The following ARHGEF33 variants were observed in gnomAD, a reference collection of about 807,000 sequenced individuals.
The protein encoded by ARHGEF33 is Rho guanine nucleotide exchange factor 33, also known as DH and coiled-coil domain-containing protein ENSP00000381780.
In ARHGEF33, 72 loss-of-function variants were observed where a neutral mutation model predicts 101.9. That is an observed-to-expected ratio of 0.71 (90% CI 0.58 to 0.86). The LOEUF is 0.86. Ranked by LOEUF, ARHGEF33 falls within the 40% of genes least tolerant of loss-of-function variation. The pLI is 0.00. For missense variants in ARHGEF33, 1,169 were observed against 1,111.3 expected, an observed-to-expected ratio of 1.05 and a Z score of -0.74; for synonymous variants, 499 against 442.5, an observed-to-expected ratio of 1.13 and a Z score of -1.60.
intron 16 of ARHGEF33, among the ~76,000 whole-genome samples, chr2:38,963,967 T>C (rs1668001215): frequency 6.6e-6 from 1 of 152,214 alleles, no homozygotes; most frequent in Non-Finnish European, 1.5e-5. Flanking sequence ...ATTTCTGTTA[T>C]TATTACGTTG....
chr2:38,900,582 G>A (rs776852405), intron 2 of ARHGEF33, among the ~76,000 whole-genome samples: 1 of 152,168 alleles, frequency 6.6e-6, no homozygotes, highest in Non-Finnish European at 1.5e-5. Context: ...GCTGTTACAA[G>A]TAGCAAAATC....
At chr2:38,908,343 G>T (rs939590139) in intron 2 of ARHGEF33, among the ~76,000 whole-genome samples, 1 of 152,188 alleles carries the variant, frequency 6.6e-6, no homozygotes, top group African/African-American at 2.4e-5. Flanking sequence ...CAGTTAAGTA[G>T]GTCAAGTATT....
Position 38,901,861 on chromosome 2 carries a change from A to G in ARHGEF33, c.-86+6012A>G, listed in dbSNP as rs1666249016. On this transcript the variant is annotated intron_variant, in intron 2 of 17. Coordinates refer to ENST00000409978, the MANE Select transcript of ARHGEF33 (RefSeq NM_001145451.5). ...CCGGGCACGGTGGCTCACGCCTGTA[A>G]TCCCAGCACTTTGGGAGGCTGAGAC... Among the ~76,000 whole-genome samples, 3 of 152,188 alleles carry G rather than the reference A, an allele frequency of 2.0e-5. No individual in the cohort carries two copies. The South Asian group carries it at 6.2e-4, about 32-fold the overall frequency.
At chr2:38,959,502 G>C in intron 15 of ARHGEF33, 1 of 228,420 alleles carries the variant, frequency 4.4e-6, no homozygotes, top group Non-Finnish European at 8.5e-6. Flanking sequence ...ACTCTGCTAG[G>C]GCAAGCAAGG....
At chr2:38,928,077 G>A (rs1666912836) in intron 4 of ARHGEF33, among the ~76,000 whole-genome samples, 3 of 152,162 alleles carry the variant, frequency 2.0e-5, no homozygotes, top group African/African-American at 7.2e-5. Flanking sequence ...AGGCAGCCCT[G>A]TGAAATAGAT....
At chr2:38,908,155 C>G (rs570790311) in intron 2 of ARHGEF33, among the ~76,000 whole-genome samples, 1 of 152,148 alleles carries the variant, frequency 6.6e-6, no homozygotes, top group African/African-American at 2.4e-5. Context: ...CTTGAGCCAC[C>G]GTGCCTGGCC....
chr2:38,929,427 T>TAA (rs1250875790), intron 5 of ARHGEF33, among the ~76,000 whole-genome samples: 1 of 144,512 alleles, frequency 6.9e-6, no homozygotes, highest in African/African-American at 2.5e-5. Flanking sequence ...GACTCTGTCT[T>TAA]AAAAAAAAAA....
intron 7 of ARHGEF33, among the ~76,000 whole-genome samples, chr2:38,935,041 G>T (rs1667098708): frequency 7.1e-6 from 1 of 140,334 alleles, no homozygotes; most frequent in South Asian, 2.3e-4. Flanking sequence ...AAAACAGTAG[G>T]TGCAGTTAAA....
At chr2:38,922,512 T>C (rs746463517) in intron 4 of ARHGEF33, among the ~76,000 whole-genome samples, 6 of 152,128 alleles carry the variant, frequency 3.9e-5, no homozygotes, top group Non-Finnish European at 7.4e-5. Context: ...AACACAGGAT[T>C]ACGAAAACAT....
chr2:38,960,005 C>A lies in ARHGEF33; in HGVS notation c.1700C>A (p.Ala567Glu). ...TGCGCGGCCGAGCAGGACGTGAAGG[C>A]GCTGGCCGGGCCCCTGCAGGCCATC... ...QFCAAEQDVK[A>E]LAGPLQAIPE... The change falls in exon 16 of 18, where the codon GCG (alanine) becomes GAG (glutamate). Residue 567 changes from alanine to glutamate, a missense_variant. Ala to Glu is a moderately radical substitution (Grantham distance 107, BLOSUM62 -1). Coordinates refer to ENST00000409978, the MANE Select transcript of ARHGEF33 (RefSeq NM_001145451.5). The A allele has an allele frequency of 6.5e-7, 1 of 1,549,552 alleles. No homozygotes were observed. The highest frequency in any genetic ancestry group is 8.7e-7 in the Non-Finnish European group (1 of 1,146,116).
chr2:38,942,306 A>T (rs1285019547), intron 9 of ARHGEF33, among the ~76,000 whole-genome samples: 1 of 151,118 alleles, frequency 6.6e-6, no homozygotes, highest in Non-Finnish European at 1.5e-5. Flanking sequence ...TAGCTGGACG[A>T]CAGGTGCACA....
Position 38,972,030 on chromosome 2 carries a change from T to TA in ARHGEF33, c.2484-1683dup, listed in dbSNP as rs1343844784. Reference sequence around the variant, plus strand: ...GACCAGATGTAGCTAAGAGGGGAAATACGAGGCAAAGATTTCAAGTTTTGA... The same window carrying TA: ...GACCAGATGTAGCTAAGAGGGGAAATAACGAGGCAAAGATTTCAAGTTTTGA... On this transcript the variant is annotated intron_variant, in intron 17 of 17. Transcript: ENST00000409978. 56 of 695,740 alleles carry TA rather than the reference T, an allele frequency of 8.0e-5. No individual in the cohort carries two copies. In the Admixed American group the frequency reaches 1.1e-3, roughly 14 times the overall value. The allele number at this position is 695,740 out of a possible 1,614,324, so 43.1% of individuals were successfully genotyped here. A position where few individuals can be genotyped will look rare whatever the true frequency, so the allele number is the denominator to read the frequency against.
At chr2:38,936,275 G>A (rs1667127323) in intron 8 of ARHGEF33, among the ~76,000 whole-genome samples, 1 of 152,116 alleles carries the variant, frequency 6.6e-6, no homozygotes. Context: ...TTTTAAAAAG[G>A]ATTTACTTAA....
At position 38,960,387 on chromosome 2, in the gene ARHGEF33, G is replaced by T. The variant is rs1667892645; in HGVS notation, c.2082G>T (p.Ala694=). 4 of 1,510,550 alleles carry T rather than the reference G, an allele frequency of 2.6e-6. No individual in the cohort carries two copies. The highest frequency in any genetic ancestry group is 3.5e-6 in the Non-Finnish European group (4 of 1,135,700). The allele number at this position is 1,510,550 out of a possible 1,614,324, so 93.6% of individuals were successfully genotyped here. A position where few individuals can be genotyped will look rare whatever the true frequency, so the allele number is the denominator to read the frequency against. The part of the protein sequence containing the change: ...AGSSSAYKLE[A]AAQAHGKAKP... Reference sequence around the variant, plus strand: ...GCAGCAGCGCCTACAAACTGGAGGCGGCGGCGCAGGCGCACGGCAAGGCCA... The same window carrying T: ...GCAGCAGCGCCTACAAACTGGAGGCTGCGGCGCAGGCGCACGGCAAGGCCA... The change falls in exon 16 of 18, where the codon GCG becomes GCT. Residue 694 remains alanine (A), a synonymous_variant. Transcript: ENST00000409978.
At chr2:38,936,468 T>C (rs1667132435) in intron 8 of ARHGEF33, among the ~76,000 whole-genome samples, 1 of 152,190 alleles carries the variant, frequency 6.6e-6, no homozygotes, top group African/African-American at 2.4e-5. Flanking sequence ...AGGAAGCAGA[T>C]ATAAGGAGTC....
chr2:38,914,685 G>C (rs1242105759), intron 2 of ARHGEF33, among the ~76,000 whole-genome samples: 1 of 137,676 alleles, frequency 7.3e-6, no homozygotes, highest in Non-Finnish European at 1.6e-5. Context: ...AAAAAAAAAA[G>C]TAATTTCTTA....
chr2:38,927,116 C>G (rs372846656), intron 4 of ARHGEF33, among the ~76,000 whole-genome samples: 1 of 152,136 alleles, frequency 6.6e-6, no homozygotes, highest in Non-Finnish European at 1.5e-5. Context: ...TGTTTCCCAG[C>G]CTTCTAGCCC....
chr2:38,906,462 T>C (rs1437866843), intron 2 of ARHGEF33, among the ~76,000 whole-genome samples: 1 of 152,208 alleles, frequency 6.6e-6, no homozygotes, highest in Non-Finnish European at 1.5e-5. Flanking sequence ...TTTCTCATTG[T>C]TCCAAACTTT....
intron 10 of ARHGEF33, among the ~76,000 whole-genome samples, chr2:38,946,974 G>A (rs1667467426): frequency 6.6e-6 from 1 of 152,142 alleles, no homozygotes; most frequent in African/African-American, 2.4e-5. Context: ...AAAGCAGAAT[G>A]AAATTGTTCC....
Sources: gnomAD v4.1 joint callset for allele counts (sites outside exome capture counted in the v4.1 genomes callset) on GRCh38, gnomAD v4.1.1 for gene constraint, MANE v1.5 for transcripts, NCBI Gene and HGNC (gene_info 2026-07-23, HGNC 2026-07-21) for gene names.